FMN1: variants seen among roughly 807,000 people sequenced by gnomAD.
FMN1 encodes formin 1, also known as formin-1.
Under a neutral mutation model 132.4 loss-of-function variants are expected in FMN1, and 110 were observed. The observed-to-expected ratio is 0.83, with a 90% CI of 0.71 to 0.97. The LOEUF (loss-of-function observed/expected upper bound fraction) is 0.97. Among genes scored for constraint, FMN1 ranks in the 50% least tolerant of loss-of-function variants. FMN1 has a pLI of 0.00. For missense variants in FMN1, 1,792 were observed against 1,705.3 expected (o/e 1.05, Z -0.90); for synonymous variants, 722 against 651.7 (o/e 1.11, Z -1.64).
intron 9 of FMN1, among the ~76,000 whole-genome samples, chr15:32,948,058 C>T (rs28648586): frequency 0.29 from 43,372 of 151,856 alleles, 8,162 homozygotes; most frequent in African/African-American, 0.55. Flanking sequence ...CAAATATGCC[C>T]TTGTCACATG....
chr15:33,068,565 G>T (rs1447930640), intron 5 of FMN1, among the ~76,000 whole-genome samples: 1 of 152,066 alleles, frequency 6.6e-6, no homozygotes, highest in Admixed American at 6.6e-5. Context: ...ACAAATTAAA[G>T]AAAGCAATAG....
intron 17 of FMN1, among the ~76,000 whole-genome samples, chr15:32,806,552 T>C (rs1567198278): frequency 6.6e-6 from 1 of 152,224 alleles, no homozygotes; most frequent in Non-Finnish European, 1.5e-5. Context: ...TGTCTTGCCA[T>C]CAGCCTTGAC....
rs564419445 is a variant in FMN1, at chr15:33,138,272, C to G, written c.1867+14776G>C. Reference sequence around the variant, plus strand: ...GTACTTGAGGGAATCAGATTTCTATCGAGTAACCTAAAGATGAGTAGGTGA... The same window carrying G: ...GTACTTGAGGGAATCAGATTTCTATGGAGTAACCTAAAGATGAGTAGGTGA... On this transcript the variant is annotated intron_variant, in intron 4 of 20. Coordinates refer to ENST00000616417, the MANE Select transcript of FMN1 (RefSeq NM_001277313.2). Among the ~76,000 whole-genome samples the G allele has an allele frequency of 3.3e-5, 5 of 152,276 alleles. No individual in the cohort carries two copies. The South Asian group carries it at 1.0e-3, about 32-fold the overall frequency.
intron 4 of FMN1, among the ~76,000 whole-genome samples, chr15:33,115,637 G>A (rs1242190044): frequency 6.6e-6 from 1 of 151,256 alleles, no homozygotes; most frequent in Non-Finnish European, 1.5e-5. Context: ...AAATCCAGCT[G>A]TGCACAGCAC....
chr15:33,119,118 A>G (rs549233178), intron 4 of FMN1, among the ~76,000 whole-genome samples: 2 of 152,352 alleles, frequency 1.3e-5, no homozygotes, highest in East Asian at 3.9e-4. Context: ...CATAAAAACT[A>G]GAAAGCTAAA....
rs2056105794 is a variant in FMN1 at position 32,768,058 on chromosome 15, T to G, written c.*6252A>C. ...TAAAATGTAAAGATTTCAAATGTCC[T>G]TTTAGTCCCTTACTGGGAAGAGCAG... On this transcript the variant is annotated 3_prime_UTR_variant, in exon 21 of 21. Transcript: ENST00000616417. The G allele has an allele frequency of 6.6e-6, 1 of 152,236 alleles. No homozygotes were observed. The highest frequency in any genetic ancestry group is 1.5e-5 in the Non-Finnish European group (1 of 68,038). 9.4% of individuals were successfully genotyped at this position (152,236 alleles called of 1,614,324 possible).
In FMN1 at chr15:33,082,017, A is replaced by AGG. The variant is rs200000722; in HGVS notation, c.2043+6780_2043+6781dup. Among the ~76,000 whole-genome samples the AGG allele has an allele frequency of 6.3e-3, 718 of 113,132 alleles. 5 individuals are homozygous for AGG. The highest frequency in any genetic ancestry group is 0.013 in the Middle Eastern group (3 of 238). 74.2% of individuals were successfully genotyped at this position (113,132 alleles called of 152,430 possible). A position where few individuals can be genotyped will look rare whatever the true frequency, so the allele number is the denominator to read the frequency against. On this transcript the variant is annotated intron_variant, in intron 5 of 20. Coordinates refer to ENST00000616417, the MANE Select transcript of FMN1 (RefSeq NM_001277313.2). ...AAACCAGAATCAACAAGAAGAGTTC[A>AGG]GGGGTGTGTGTGTGTGTGTGTGTGT...
intron 3 of FMN1, among the ~76,000 whole-genome samples, chr15:33,163,551 C>T (rs920488355): frequency 5.9e-5 from 9 of 152,086 alleles, no homozygotes; most frequent in Admixed American, 5.9e-4. Context: ...ATCTCGGCCT[C>T]CCAAAGTGCT....
chr15:33,069,823 C>G (rs2037914951), intron 5 of FMN1, among the ~76,000 whole-genome samples: 1 of 151,980 alleles, frequency 6.6e-6, no homozygotes, highest in South Asian at 2.1e-4. Flanking sequence ...AACTGAGGCA[C>G]TTAATCAAAA....
At chr15:33,177,530 C>T (rs2140333729) in intron 3 of FMN1, among the ~76,000 whole-genome samples, 1 of 152,310 alleles carries the variant, frequency 6.6e-6, no homozygotes, top group South Asian at 2.1e-4. Flanking sequence ...GTTCTCCCTA[C>T]TTACAGTGCA....
chr15:32,942,054 T>C (rs1042510988), intron 9 of FMN1, among the ~76,000 whole-genome samples: 3 of 152,168 alleles, frequency 2.0e-5, no homozygotes, highest in African/African-American at 4.8e-5. Flanking sequence ...TTAAACCCTA[T>C]TAGACATGCC....
chr15:32,956,732 T>C (rs182847943), intron 9 of FMN1, among the ~76,000 whole-genome samples: 6 of 152,180 alleles, frequency 3.9e-5, no homozygotes, highest in African/African-American at 1.2e-4. Flanking sequence ...CACCCTCATA[T>C]AAAAAAACTA....
chr15:32,853,634 T>C (rs1212819231), intron 17 of FMN1, among the ~76,000 whole-genome samples: 1 of 152,192 alleles, frequency 6.6e-6, no homozygotes, highest in Non-Finnish European at 1.5e-5. Context: ...AGATACTCCA[T>C]TTGTATATAC....
intron 9 of FMN1, among the ~76,000 whole-genome samples, chr15:32,938,039 A>T (rs979273722): frequency 6.6e-6 from 1 of 152,172 alleles, no homozygotes; most frequent in Non-Finnish European, 1.5e-5. Context: ...GGAAGTAGAC[A>T]GGAGGAAAAA....
intron 5 of FMN1, chr15:33,066,925 C>G: frequency 6.2e-7 from 1 of 1,614,008 alleles, no homozygotes; most frequent in Non-Finnish European, 8.5e-7. Flanking sequence ...GCAGCCCTGC[C>G]TGCACTAAGG....
chr15:32,946,765 G>A (rs942377127), intron 9 of FMN1, among the ~76,000 whole-genome samples: 2 of 152,164 alleles, frequency 1.3e-5, no homozygotes, highest in African/African-American at 2.4e-5. Context: ...AGACATACAC[G>A]AGTAAGAGGC....
intron 17 of FMN1, among the ~76,000 whole-genome samples, chr15:32,821,545 C>T (rs1169949634): frequency 1.3e-5 from 2 of 150,922 alleles, no homozygotes; most frequent in African/African-American, 2.4e-5. Flanking sequence ...CTCTACCTCC[C>T]GGGTTCAAGC....
chr15:33,020,856 A>G (rs1328862006), intron 6 of FMN1, among the ~76,000 whole-genome samples: 3 of 152,200 alleles, frequency 2.0e-5, no homozygotes, highest in African/African-American at 7.2e-5. Flanking sequence ...TGTTTTCTTA[A>G]AAGACTTTAT....
Position 33,164,167 on chromosome 15 carries a change from A to C in FMN1, c.-131-9122T>G, listed in dbSNP as rs368843233. ...TATGAGATAGCACTGAAATTGAGAG[A>C]GTTTACTTATTTTCTCAATGATTTT... is the stretch of plus-strand genomic sequence containing the variant. On this transcript the variant is annotated intron_variant, in intron 3 of 20. Coordinates refer to ENST00000616417, the MANE Select transcript of FMN1 (RefSeq NM_001277313.2). Among the ~76,000 whole-genome samples the C allele has an allele frequency of 3.9e-5, 6 of 152,210 alleles. No homozygotes were observed. The South Asian group carries it at 1.2e-3, about 32-fold the overall frequency.
Sources: gnomAD v4.1 joint callset for allele counts (sites outside exome capture counted in the v4.1 genomes callset) on GRCh38, gnomAD v4.1.1 for gene constraint, MANE v1.5 for transcripts, NCBI Gene and HGNC (gene_info 2026-07-23, HGNC 2026-07-21) for gene names.